The following ATP13A5 variants were observed in gnomAD, a reference collection of about 807,000 sequenced individuals.
ATP13A5 encodes ATPase 13A5, also known as probable cation-transporting ATPase 13A5.
Under a neutral mutation model 150.2 loss-of-function variants are expected in ATP13A5, and 149 were observed. That is an observed-to-expected ratio of 0.99 (90% CI 0.87 to 1.14). The LOEUF (loss-of-function observed/expected upper bound fraction) is 1.14. Ranked by LOEUF, ATP13A5 falls within the 50% of genes most tolerant of loss-of-function variation. The pLI is 0.00. For synonymous variants in ATP13A5, 497 were observed against 522.2 expected (o/e 0.95, Z 0.66); for missense variants, 1,383 against 1,449.3 (o/e 0.95, Z 0.74).
Position 193,357,284 on chromosome 3 carries a change from C to A in ATP13A5, c.537-3088G>T, listed in dbSNP as rs532774864. Among the ~76,000 whole-genome samples the A allele has an allele frequency of 9.2e-5, 14 of 152,222 alleles. No homozygotes were observed. The South Asian group carries it at 2.9e-3, about 32-fold the overall frequency. ...CTAGAGTCTCATGCTCTTTGGCTCT[C>A]CAAGTTTGGCAATATTACCATTAAG... On this transcript the variant is annotated intron_variant, in intron 5 of 29. Coordinates refer to ENST00000342358, the MANE Select transcript of ATP13A5 (RefSeq NM_198505.4).
intron 14 of ATP13A5, 50 bp from the exon 15 acceptor site, chr3:193,322,624 G>C: frequency 7.8e-7 from 1 of 1,278,474 alleles, no homozygotes; most frequent in Non-Finnish European, 1.1e-6. Context: ...AAAATATTAA[G>C]AAAGAAATAT....
At chr3:193,303,512 A>G (rs1218141515) in intron 23 of ATP13A5, among the ~76,000 whole-genome samples, 3 of 152,098 alleles carry the variant, frequency 2.0e-5, no homozygotes, top group African/African-American at 7.2e-5. Flanking sequence ...TAAATAATGT[A>G]TATATTTGTG....
intron 15 of ATP13A5, 134 bp from the exon 16 acceptor site, chr3:193,321,971 TTG>T (rs142234694): frequency 6.1e-3 from 6,059 of 997,688 alleles, no homozygotes; most frequent in South Asian, 0.01. Flanking sequence ...AACATTGATT[TTG>T]TGTGTGTGTG....
At chr3:193,295,513 C>A (rs962318535) in intron 25 of ATP13A5, among the ~76,000 whole-genome samples, 4 of 152,000 alleles carry the variant, frequency 2.6e-5, no homozygotes, top group African/African-American at 9.7e-5. Context: ...CTTATTTGTT[C>A]ATGTATGTGA....
chr3:193,297,108 C>G (rs1178371040), intron 25 of ATP13A5, among the ~76,000 whole-genome samples: 1 of 152,056 alleles, frequency 6.6e-6, no homozygotes, highest in East Asian at 1.9e-4. Flanking sequence ...CACATGTACC[C>G]TGGAACTTAA....
intron 28 of ATP13A5, among the ~76,000 whole-genome samples, chr3:193,277,333 A>G (rs1348481374): frequency 6.6e-6 from 1 of 152,200 alleles, no homozygotes. Context: ...AAGTTGAATG[A>G]ACCCTCCAAA....
chr3:193,375,188 C>T (rs1713594949), intron 1 of ATP13A5, among the ~76,000 whole-genome samples: 1 of 152,164 alleles, frequency 6.6e-6, no homozygotes, highest in East Asian at 1.9e-4. Flanking sequence ...AACAGGGAAA[C>T]TTCTTATATA....
chr3:193,358,344 G>T (rs1360494551), intron 5 of ATP13A5, among the ~76,000 whole-genome samples: 3 of 152,122 alleles, frequency 2.0e-5, no homozygotes, highest in Non-Finnish European at 2.9e-5. Flanking sequence ...TTTTATAAAG[G>T]GAGGAAGACC....
At chr3:193,318,861 G>A (rs1719150790) in intron 17 of ATP13A5, 130 bp downstream of exon 17, 5 of 671,034 alleles carry the variant, frequency 7.5e-6, no homozygotes, top group Non-Finnish European at 1.1e-5. Flanking sequence ...CTGAGTCAGG[G>A]GACTGTACAA....
chr3:193,358,408 T>C (rs2108897266), intron 5 of ATP13A5, among the ~76,000 whole-genome samples: 1 of 152,318 alleles, frequency 6.6e-6, no homozygotes, highest in Admixed American at 6.5e-5. Context: ...GATTTGGATG[T>C]GGTTGTATAG....
At chr3:193,372,515 CTAAGTA>C (rs548028883) in intron 1 of ATP13A5, among the ~76,000 whole-genome samples, 102 of 152,160 alleles carry the variant, frequency 6.7e-4, no homozygotes, top group South Asian at 5.2e-3. Flanking sequence ...AAATTTCTCT[CTAAGTA>C]TGAGTTTTAG....
chr3:193,345,601 G>C (rs561693005), intron 7 of ATP13A5, among the ~76,000 whole-genome samples: 1 of 152,292 alleles, frequency 6.6e-6, no homozygotes, highest in East Asian at 1.9e-4. Context: ...GCACTCAGCA[G>C]TGTATGAGTG....
intron 17 of ATP13A5, among the ~76,000 whole-genome samples, chr3:193,317,960 C>T (rs1292451785): frequency 6.6e-6 from 1 of 152,190 alleles, no homozygotes; most frequent in East Asian, 1.9e-4. Context: ...TAGAAAATTA[C>T]AAATCCTATG....
In ATP13A5 at chr3:193,275,076, T is replaced by C; in HGVS notation, c.3623A>G (p.Gln1208Arg). The part of the protein sequence containing the change: ...IPKRKLKLGG[Q>R]PTEQHFWARL ...GGCCCAGAAATGCTGTTCTGTGGGT[T>C]GGCCTCCCAATTTGAGTTTTCTTTT... Residue 1208 changes from glutamine (Q) to arginine (R), a missense_variant, in exon 30 of 30, where the codon CAA (glutamine) becomes CGA (arginine). This residue lies in a region of ATP13A5 where 568 missense variants were observed against 621.5 expected (regional missense o/e 0.91). Coordinates refer to ENST00000342358, the MANE Select transcript of ATP13A5 (RefSeq NM_198505.4). The C allele has an allele frequency of 6.2e-7, 1 of 1,614,236 alleles. No individual in the cohort carries two copies. The highest frequency in any genetic ancestry group is 8.5e-7 in the Non-Finnish European group (1 of 1,180,042).
At chr3:193,352,026 A>G (rs1176443702) in intron 6 of ATP13A5, among the ~76,000 whole-genome samples, 1 of 152,224 alleles carries the variant, frequency 6.6e-6, no homozygotes, top group Non-Finnish European at 1.5e-5. Context: ...GAGCAAAGCA[A>G]GGATTATTTT....
Position 193,355,831 on chromosome 3 carries a change from G to T in ATP13A5, c.537-1635C>A, listed in dbSNP as rs1712762243. Among the ~76,000 whole-genome samples the T allele has an allele frequency of 3.9e-5, 6 of 152,200 alleles. 1 individual carries two copies. In the South Asian group the frequency reaches 1.2e-3, roughly 32 times the overall value. Reference sequence around the variant, plus strand: ...GTCAGAACTTAGGACCCCAAACTCGGTCCTCCATTCTCTCTCCCTCTCTCC... The same window carrying T: ...GTCAGAACTTAGGACCCCAAACTCGTTCCTCCATTCTCTCTCCCTCTCTCC... On this transcript the variant is annotated intron_variant, in intron 5 of 29. Transcript: ENST00000342358.
At chr3:193,370,615 T>C (rs1713406069) in intron 1 of ATP13A5, among the ~76,000 whole-genome samples, 1 of 152,212 alleles carries the variant, frequency 6.6e-6, no homozygotes, top group Non-Finnish European at 1.5e-5. Flanking sequence ...ACAGTCACTA[T>C]TGTCTAGGGT....
At chr3:193,297,046 C>T (rs1718201689) in intron 25 of ATP13A5, among the ~76,000 whole-genome samples, 1 of 152,088 alleles carries the variant, frequency 6.6e-6, no homozygotes. Context: ...TTGAACTGTG[C>T]AGCAAACCAC....
chr3:193,326,761 T>G (rs559251635), intron 13 of ATP13A5, among the ~76,000 whole-genome samples: 1 of 152,382 alleles, frequency 6.6e-6, no homozygotes, highest in South Asian at 2.1e-4. Context: ...TTTAGTTCCT[T>G]AATTATCCAC....
Sources: allele counts gnomAD v4.1 joint callset (sites outside exome capture counted in the v4.1 genomes callset), GRCh38; gene constraint gnomAD v4.1.1; regional missense constraint gnomAD v4.1.1; transcripts MANE v1.5; gene names NCBI Gene and HGNC (gene_info 2026-07-23, HGNC 2026-07-21).